PTPRK: variants seen among roughly 807,000 people sequenced by gnomAD.
PTPRK encodes receptor-type tyrosine-protein phosphatase kappa.
Under a neutral mutation model 178.0 loss-of-function variants are expected in PTPRK, and 75 were observed. The ratio of observed to expected loss-of-function variants is 0.42; its 90% confidence interval spans 0.35 to 0.51. PTPRK has a LOEUF of 0.51. PTPRK is among the 20% of genes least tolerant of loss of function. The probability of loss-of-function intolerance (pLI) is 0.02; values close to 1 mark genes in which losing one functional copy is unlikely to be tolerated. For synonymous variants in PTPRK, 637 were observed against 620.6 expected, an observed-to-expected ratio of 1.03 and a Z score of -0.39; for missense variants, 1,441 against 1,797.8, an observed-to-expected ratio of 0.80 and a Z score of 3.59.
chr6:128,490,023 A>G (rs749831155), intron 1 of PTPRK, among the ~76,000 whole-genome samples: 10 of 152,222 alleles, frequency 6.6e-5, no homozygotes, highest in Non-Finnish European at 1.3e-4. Context: ...CATGTAACAT[A>G]CTAAACATAT....
At chr6:128,504,779 G>T (rs1363344933) in intron 1 of PTPRK, among the ~76,000 whole-genome samples, 1 of 152,072 alleles carries the variant, frequency 6.6e-6, no homozygotes, top group Non-Finnish European at 1.5e-5. Context: ...AAAATTTATG[G>T]TTTCTCATGT....
At chr6:128,243,285 C>A (rs1415892370) in intron 3 of PTPRK, among the ~76,000 whole-genome samples, 1 of 151,676 alleles carries the variant, frequency 6.6e-6, no homozygotes, top group East Asian at 1.9e-4. Context: ...AAAAAAGTTT[C>A]TAGATTTAAA....
At chr6:128,131,269 T>C in intron 7 of PTPRK, among the ~76,000 whole-genome samples, 1 of 152,196 alleles carries the variant, frequency 6.6e-6, no homozygotes, top group South Asian at 2.1e-4. Flanking sequence ...ATCTTCCACA[T>C]ACAAGCTGTG....
intron 7 of PTPRK, among the ~76,000 whole-genome samples, chr6:128,113,072 C>T (rs533582635): frequency 2.0e-5 from 3 of 152,086 alleles, no homozygotes; most frequent in Non-Finnish European, 2.9e-5. Context: ...TCCATCCTCA[C>T]GATTCTGAGA....
Position 128,240,164 on chromosome 6 carries a change from G to GAA in PTPRK, c.578-16_578-15dup. The GAA allele has an allele frequency of 6.7e-7, 1 of 1,485,496 alleles. No homozygotes were observed. Among genetic ancestry groups the GAA allele is most frequent in the Non-Finnish European group, 9.0e-7 (1 of 1,105,722 alleles). The allele number at this position is 1,485,496 out of a possible 1,614,324, so 92.0% of individuals were successfully genotyped here. On this transcript the variant is annotated splice_polypyrimidine_tract_variant and intron_variant, in intron 4 of 29. Coordinates refer to ENST00000368226, the MANE Select transcript of PTPRK (RefSeq NM_002844.4). ...GAGGAGATTTATCTGTGAAGGAAGG[G>GAA]AAAAAAAAATGTATTTGTTTTCACA...
At chr6:128,226,318 T>C (rs2128276510) in intron 5 of PTPRK, among the ~76,000 whole-genome samples, 1 of 152,344 alleles carries the variant, frequency 6.6e-6, no homozygotes, top group East Asian at 1.9e-4. Flanking sequence ...ATTATGAAGA[T>C]GATAATCCAA....
At chr6:128,477,939 C>T (rs1851575508) in intron 1 of PTPRK, among the ~76,000 whole-genome samples, 2 of 152,032 alleles carry the variant, frequency 1.3e-5, no homozygotes, top group South Asian at 2.1e-4. Flanking sequence ...TATGCCATTG[C>T]CACTGCCACC....
chr6:127,990,727 G>GT lies in PTPRK; in HGVS notation c.3096+41dup, dbSNP rs1283100190. On this transcript the variant is annotated intron_variant, in intron 21 of 29. Transcript: ENST00000368226. ...GGCAAAGATTTTAAGAGAAAAAGCA[G>GT]TTTTGATATCACTTTTTAAAATAGA... is the stretch of plus-strand genomic sequence containing the variant. 3.0e-6 allele frequency: 4 copies of GT among 1,332,816 alleles called. No homozygotes were observed. In the East Asian group the frequency reaches 9.2e-5, roughly 31 times the overall value. 82.6% of individuals were successfully genotyped at this position (1,332,816 alleles called of 1,614,324 possible). A position where few individuals can be genotyped will look rare whatever the true frequency, so the allele number is the denominator to read the frequency against.
intron 7 of PTPRK, among the ~76,000 whole-genome samples, chr6:128,150,768 A>C (rs72983959): frequency 0.047 from 7,142 of 152,226 alleles, 278 homozygotes; most frequent in Non-Finnish European, 0.065. Flanking sequence ...AGACAGATTT[A>C]ATGTCAAATC....
chr6:128,295,982 C>T (rs547015570), intron 3 of PTPRK, among the ~76,000 whole-genome samples: 1 of 152,104 alleles, frequency 6.6e-6, no homozygotes, highest in African/African-American at 2.4e-5. Flanking sequence ...AAACGATTAA[C>T]ATCACTGAAA....
At chr6:128,295,208 T>A (rs1824099310) in intron 3 of PTPRK, among the ~76,000 whole-genome samples, 3 of 152,106 alleles carry the variant, frequency 2.0e-5, no homozygotes, top group African/African-American at 7.2e-5. Flanking sequence ...TAACAGGTCA[T>A]AAAGTATGAT....
At chr6:128,200,474 T>C (rs567143163) in intron 6 of PTPRK, among the ~76,000 whole-genome samples, 101 of 152,118 alleles carry the variant, frequency 6.6e-4, no homozygotes, top group Non-Finnish European at 1.3e-3. Flanking sequence ...CCTATTATCA[T>C]AGCAATTTGA....
At chr6:128,186,938 A>G (rs1050174232) in intron 6 of PTPRK, among the ~76,000 whole-genome samples, 4 of 152,162 alleles carry the variant, frequency 2.6e-5, no homozygotes, top group African/African-American at 9.6e-5. Flanking sequence ...TATGTGCAAT[A>G]TTTGTTTTCA....
At chr6:128,217,680 A>G (rs1463577188) in intron 6 of PTPRK, among the ~76,000 whole-genome samples, 1 of 152,142 alleles carries the variant, frequency 6.6e-6, no homozygotes, top group East Asian at 1.9e-4. Context: ...TTCTCCTTCC[A>G]GCCCGTAGGC....
chr6:128,078,404 C>A (rs1784212237), intron 11 of PTPRK, among the ~76,000 whole-genome samples: 1 of 151,942 alleles, frequency 6.6e-6, no homozygotes, highest in African/African-American at 2.4e-5. Context: ...GCTAAGCAAC[C>A]TTCTGGCTCC....
intron 13 of PTPRK, among the ~76,000 whole-genome samples, chr6:128,053,505 T>C (rs1779400321): frequency 6.6e-6 from 1 of 152,138 alleles, no homozygotes; most frequent in African/African-American, 2.4e-5. Context: ...TATGCGTCCC[T>C]GACAAGTCCC....
At position 128,082,625 on chromosome 6, in the gene PTPRK, C is replaced by T. The variant is rs962203719; in HGVS notation, c.1589G>A (p.Ser530Asn). ...AACTGCAGGATCAAATGATCTTATACTGCTATAGCTGATCTGTTTTAAGAA... is the reference window on the plus strand; with the variant it reads ...AACTGCAGGATCAAATGATCTTATATTGCTATAGCTGATCTGTTTTAAGAA... ...IITQYEISYS[S>N]IRSFDPAVPV... Residue 530 changes from serine to asparagine, a missense_variant, in exon 10 of 30, where the codon AGT becomes AAT. Physicochemically the swap from Ser to Asn is conservative, Grantham distance 46 (BLOSUM62 1). This residue lies in a region of PTPRK where 945 missense variants were observed against 1,080.6 expected (regional missense o/e 0.87). Transcript: ENST00000368226. 1 of 1,605,516 alleles carries T rather than the reference C, an allele frequency of 6.2e-7. No homozygotes were observed. The highest frequency in any genetic ancestry group is 1.3e-5 in the African/African-American group (1 of 74,842).
At chr6:128,321,340 C>T (rs1828757441) in intron 3 of PTPRK, 1 of 160,434 alleles carries the variant, frequency 6.2e-6, no homozygotes, top group Non-Finnish European at 1.3e-5. Flanking sequence ...ACTCTCCAAA[C>T]TAGTAAATGA....
chr6:128,461,430 A>G (rs1343760756), intron 1 of PTPRK, among the ~76,000 whole-genome samples: 3 of 152,224 alleles, frequency 2.0e-5, no homozygotes, highest in Non-Finnish European at 4.4e-5. Context: ...CACACACACC[A>G]ATTTTAAAAA....
Sources: gnomAD v4.1 joint callset for allele counts (sites outside exome capture counted in the v4.1 genomes callset) on GRCh38, gnomAD v4.1.1 for gene constraint, gnomAD v4.1.1 regional missense constraint, MANE v1.5 for transcripts, NCBI Gene and HGNC (gene_info 2026-07-23, HGNC 2026-07-21) for gene names.